Variants in CADM1 observed in about 807,000 individuals in gnomAD.
The protein encoded by CADM1 is cell adhesion molecule 1, also known as TSLC-1.
In CADM1, 15 loss-of-function variants were observed where a neutral mutation model predicts 53.1. The ratio of observed to expected loss-of-function variants is 0.28; its 90% CI spans 0.19 to 0.44. The LOEUF (loss-of-function observed/expected upper bound fraction) is 0.44. Among genes scored for constraint, CADM1 ranks in the 20% least tolerant of loss-of-function variants. The pLI is 1.00. For missense variants in CADM1, 434 were observed against 611.3 expected (o/e 0.71, Z 3.06); for synonymous variants, 281 against 243.0 (o/e 1.16, Z -1.45).
intron 8 of CADM1, among the ~76,000 whole-genome samples, chr11:115,206,758 C>CTTCTTT (rs1940706440): frequency 2.6e-5 from 1 of 38,206 alleles, no homozygotes; most frequent in Non-Finnish European, 4.5e-5. Flanking sequence ...CTGTGGACTT[C>CTTCTTT]TTTTTTTTTT....
At chr11:115,237,046 T>C (rs1942033820) in intron 3 of CADM1, among the ~76,000 whole-genome samples, 1 of 152,188 alleles carries the variant, frequency 6.6e-6, no homozygotes, top group Admixed American at 6.5e-5. Flanking sequence ...CCATAAACGA[T>C]GATGAGTCAA....
intron 1 of CADM1, among the ~76,000 whole-genome samples, chr11:115,342,969 C>T (rs1054337528): frequency 1.3e-5 from 2 of 152,076 alleles, no homozygotes; most frequent in Non-Finnish European, 2.9e-5. Flanking sequence ...TAAGAACTTA[C>T]CCTAAGGAAA....
intron 1 of CADM1, among the ~76,000 whole-genome samples, chr11:115,380,055 T>C (rs950520015): frequency 6.6e-6 from 1 of 152,164 alleles, no homozygotes; most frequent in African/African-American, 2.4e-5. Flanking sequence ...TTAAAAGACA[T>C]TGTATTCCTA....
intron 1 of CADM1, among the ~76,000 whole-genome samples, chr11:115,323,218 G>T (rs1029842840): frequency 1.3e-5 from 2 of 152,062 alleles, no homozygotes; most frequent in Admixed American, 6.6e-5. Flanking sequence ...GCTTATTGAT[G>T]ATGTGTTTAT....
intron 8 of CADM1, among the ~76,000 whole-genome samples, chr11:115,208,681 G>A (rs1185013678): frequency 6.6e-6 from 1 of 152,140 alleles, no homozygotes; most frequent in Non-Finnish European, 1.5e-5. Flanking sequence ...TTTGTGTTAA[G>A]TCCCTGTAAA....
intron 1 of CADM1, among the ~76,000 whole-genome samples, chr11:115,428,943 G>T (rs182314479): frequency 6.6e-6 from 1 of 152,152 alleles, no homozygotes. Flanking sequence ...AACATCTCAC[G>T]TTTGAGGCCC....
intron 5 of CADM1, among the ~76,000 whole-genome samples, chr11:115,220,029 C>G (rs1027865249): frequency 2.0e-5 from 3 of 152,062 alleles, no homozygotes; most frequent in Admixed American, 1.3e-4. Flanking sequence ...AAAATTTGGG[C>G]TGAAATGTAA....
At position 115,178,305 on chromosome 11, in the gene CADM1, C is replaced by T. The variant is rs180932680; in HGVS notation, c.1297+339G>A. 2.2e-3 allele frequency among the ~76,000 whole-genome samples: 339 copies of T among 152,188 alleles called. 1 individual carries two copies. Among genetic ancestry groups the T allele is most frequent in the Middle Eastern group, 0.017 (5 of 294 alleles). On this transcript the variant is annotated intron_variant, in intron 11 of 11. Transcript: ENST00000331581. ...GTGCTTTTTCCATGTTTATCCTTTG[C>T]GGCTTCATGCCACACCTTGCACACC...
intron 1 of CADM1, among the ~76,000 whole-genome samples, chr11:115,447,011 C>T (rs1415977838): frequency 1.3e-5 from 2 of 152,156 alleles, no homozygotes; most frequent in Non-Finnish European, 2.9e-5. Context: ...AGGGACTCCA[C>T]TAAAGTAGGT....
intron 1 of CADM1, among the ~76,000 whole-genome samples, chr11:115,443,811 A>G (rs1467549346): frequency 6.6e-6 from 1 of 152,222 alleles, no homozygotes; most frequent in Non-Finnish European, 1.5e-5. Context: ...AAGATTTCAA[A>G]TTACTGGGGA....
intron 1 of CADM1, among the ~76,000 whole-genome samples, chr11:115,263,388 G>A (rs979724038): frequency 7.9e-5 from 12 of 152,182 alleles, no homozygotes; most frequent in African/African-American, 2.9e-4. Flanking sequence ...ATATTTGGGG[G>A]AAAATACTTG....
intron 1 of CADM1, among the ~76,000 whole-genome samples, chr11:115,471,351 A>G (rs1949006558): frequency 6.6e-6 from 1 of 152,234 alleles, no homozygotes; most frequent in African/African-American, 2.4e-5. Flanking sequence ...TTGCTCAAAC[A>G]GTGAACTGAG....
chr11:115,282,863 G>A (rs149003534), intron 1 of CADM1, among the ~76,000 whole-genome samples: 149 of 152,250 alleles, frequency 9.8e-4, no homozygotes, highest in African/African-American at 3.4e-3. Context: ...AAATGGAAAC[G>A]AAAGCTAAGT....
chr11:115,388,505 G>GTAGAAAAA (rs1271045052), intron 1 of CADM1, among the ~76,000 whole-genome samples: 3 of 152,102 alleles, frequency 2.0e-5, no homozygotes, highest in Non-Finnish European at 2.9e-5. Context: ...TAACTATACA[G>GTAGAAAAA]TAGAAAAATC....
intron 1 of CADM1, among the ~76,000 whole-genome samples, chr11:115,282,820 G>A (rs771247058): frequency 2.6e-5 from 4 of 152,220 alleles, no homozygotes; most frequent in Non-Finnish European, 4.4e-5. Flanking sequence ...ACAGGGGATG[G>A]AAGAGGTTAT....
At chr11:115,500,547 A>C (rs555463814) in intron 1 of CADM1, among the ~76,000 whole-genome samples, 1 of 152,228 alleles carries the variant, frequency 6.6e-6, no homozygotes, top group South Asian at 2.1e-4. Context: ...GAGCACCATC[A>C]ATAAGAATAC....
intron 1 of CADM1, among the ~76,000 whole-genome samples, chr11:115,294,385 G>A (rs928031008): frequency 5.9e-5 from 9 of 152,122 alleles, no homozygotes; most frequent in African/African-American, 2.2e-4. Flanking sequence ...CTGAACTACT[G>A]AAACTACTCT....
At chr11:115,352,456 T>C (rs1945762074) in intron 1 of CADM1, among the ~76,000 whole-genome samples, 1 of 152,224 alleles carries the variant, frequency 6.6e-6, no homozygotes, top group African/African-American at 2.4e-5. Context: ...TCTAAACTGA[T>C]ATTTTTATAT....
chr11:115,352,007 C>T (rs902585222), intron 1 of CADM1, among the ~76,000 whole-genome samples: 2 of 152,142 alleles, frequency 1.3e-5, no homozygotes, highest in Non-Finnish European at 2.9e-5. Flanking sequence ...TATTAATATT[C>T]CCAAAAGTCA....
Sources: gnomAD v4.1 joint callset for allele counts (sites outside exome capture counted in the v4.1 genomes callset) on GRCh38, gnomAD v4.1.1 for gene constraint, MANE v1.5 for transcripts, NCBI Gene and HGNC (gene_info 2026-07-23, HGNC 2026-07-21) for gene names.